Variants in SORCS2 observed in about 807,000 individuals in gnomAD.
SORCS2 encodes VPS10 domain-containing receptor SorCS2.
In SORCS2, 100 loss-of-function variants were observed where a neutral mutation model predicts 141.6. That is an observed-to-expected ratio of 0.71 (90% confidence interval 0.60 to 0.83). The LOEUF (loss-of-function observed/expected upper bound fraction) is 0.83, where lower values mean the gene tolerates loss of function less well. Among genes scored for constraint, SORCS2 ranks in the 40% least tolerant of loss-of-function variants. The pLI is 0.00. For missense variants in SORCS2, 1,646 were observed against 1,560.2 expected (o/e 1.05, Z -0.93); for synonymous variants, 789 against 676.9 (o/e 1.17, Z -2.57).
rs764578579 is a variant in SORCS2 at position 7,664,335 on chromosome 4, G to A, written c.953-18G>A. ...CGGCTGGAGTCTGACCGCCTGGGTC[G>A]GCGCCTCTCTCCTGTAGATTTTCGG... is the stretch of plus-strand genomic sequence containing the variant. On this transcript the variant is annotated intron_variant, in intron 6 of 26. Transcript: ENST00000507866. This position sits in a 1 kb window ranked among gnomAD's most constrained non-coding sequence, Gnocchi z 4.7. The A allele has an allele frequency of 1.0e-5, 16 of 1,605,030 alleles. No individual in the cohort carries two copies. The highest frequency in any genetic ancestry group is 1.7e-5 in the Admixed American group (1 of 59,488).
At chr4:7,454,917 G>T in intron 2 of SORCS2, among the ~76,000 whole-genome samples, 1 of 133,672 alleles carries the variant, frequency 7.5e-6, no homozygotes, top group Admixed American at 7.5e-5. Flanking sequence ...CACTGTGTTG[G>T]GGTCAGGTGC....
intron 3 of SORCS2, among the ~76,000 whole-genome samples, chr4:7,624,860 G>A (rs1039049446): frequency 1.3e-5 from 2 of 152,230 alleles, no homozygotes; most frequent in South Asian, 4.1e-4. Context: ...TCACTCTAGA[G>A]CCTCAGCGCA....
intron 1 of SORCS2, among the ~76,000 whole-genome samples, chr4:7,294,759 G>C (rs1189058710): frequency 5.5e-5 from 1 of 18,242 alleles, no homozygotes; most frequent in Non-Finnish European, 9.8e-5. Context: ...CTTCTCCCCA[G>C]CTCCCTCCTC....
intron 3 of SORCS2, among the ~76,000 whole-genome samples, chr4:7,628,480 C>G (rs935307605): frequency 6.0e-5 from 9 of 149,930 alleles, no homozygotes; most frequent in African/African-American, 2.2e-4. Context: ...GATTGTGCCA[C>G]TGCACTCCAG....
chr4:7,630,373 A>G (rs1368940714), intron 3 of SORCS2, among the ~76,000 whole-genome samples: 1 of 152,234 alleles, frequency 6.6e-6, no homozygotes. Context: ...GAAGAAAGCA[A>G]CAAAAAGAAT....
At chr4:7,621,555 T>G (rs1261471853) in intron 3 of SORCS2, among the ~76,000 whole-genome samples, 7 of 150,166 alleles carry the variant, frequency 4.7e-5, no homozygotes, top group Admixed American at 1.3e-4. Flanking sequence ...GTGTGTGTGT[T>G]TGTGTGTCTG....
At position 7,241,037 on chromosome 4, in the gene SORCS2, A is replaced by C. The variant is rs578177279; in HGVS notation, c.480+47911A>C. Among the ~76,000 whole-genome samples the C allele has an allele frequency of 1.2e-4, 19 of 152,190 alleles. No homozygotes were observed. In the South Asian group the frequency reaches 1.9e-3, roughly 15 times the overall value. ...GCAACCTCTGCCTCCCGGGATCAAG[A>C]GATTCTCCTGCCTCAGCCTCCCGAG... On this transcript the variant is annotated intron_variant, in intron 1 of 26. Transcript: ENST00000507866.
intron 3 of SORCS2, among the ~76,000 whole-genome samples, chr4:7,562,906 G>T (rs1225620468): frequency 2.0e-5 from 3 of 152,180 alleles, no homozygotes; most frequent in African/African-American, 7.2e-5. Context: ...TTAGGGTCTA[G>T]CCTATTCCAG....
At chr4:7,504,962 G>A (rs886139242) in intron 2 of SORCS2, among the ~76,000 whole-genome samples, 1 of 152,196 alleles carries the variant, frequency 6.6e-6, no homozygotes, top group Non-Finnish European at 1.5e-5. Context: ...TTCTTGAACT[G>A]GAAAAAGTCC....
chr4:7,429,122 G>A (rs1726651622), intron 2 of SORCS2, among the ~76,000 whole-genome samples: 1 of 152,202 alleles, frequency 6.6e-6, no homozygotes, highest in South Asian at 2.1e-4. Flanking sequence ...TTGGTGCACT[G>A]CATTGAGGCA....
intron 2 of SORCS2, among the ~76,000 whole-genome samples, chr4:7,511,435 G>C (rs1200782613): frequency 1.7e-5 from 1 of 59,504 alleles, no homozygotes. Flanking sequence ...GGCGGGGTTG[G>C]GGAGACACAC....
rs542091322 is a variant in SORCS2, at chr4:7,231,693, G to T, written c.480+38567G>T. Among the ~76,000 whole-genome samples, 7 of 152,354 alleles carry T rather than the reference G, an allele frequency of 4.6e-5. No homozygotes were observed. In the South Asian group the frequency reaches 1.5e-3, roughly 32 times the overall value. The stretch of plus-strand genomic sequence containing the variant: ...CTGCACCAGGGGCCAGGCAGCATCC[G>T]GTGGGGACACAGAGGAGAGGGTCGT... On this transcript the variant is annotated intron_variant, in intron 1 of 26. Transcript: ENST00000507866.
At chr4:7,332,221 C>T (rs372673319) in intron 1 of SORCS2, among the ~76,000 whole-genome samples, 1 of 152,224 alleles carries the variant, frequency 6.6e-6, no homozygotes, top group East Asian at 1.9e-4. Context: ...GGCTCTCAGC[C>T]AGGCCAAGGT....
At chr4:7,522,969 T>C (rs1322985973) in intron 2 of SORCS2, among the ~76,000 whole-genome samples, 1 of 118,690 alleles carries the variant, frequency 8.4e-6, no homozygotes, top group African/African-American at 3.3e-5. Flanking sequence ...TCTCCCTTTT[T>C]CCCTCCTTCC....
chr4:7,631,212 G>A (rs4689146), intron 3 of SORCS2, among the ~76,000 whole-genome samples: 39,172 of 151,232 alleles, frequency 0.26, 6,365 homozygotes, highest in East Asian at 0.74. Flanking sequence ...AGCGTCCCGC[G>A]GGCCGGGGAA....
At chr4:7,481,267 C>T (rs1730617161) in intron 2 of SORCS2, among the ~76,000 whole-genome samples, 1 of 152,252 alleles carries the variant, frequency 6.6e-6, no homozygotes, top group African/African-American at 2.4e-5. Context: ...ATGAATAGTC[C>T]ACTCATTGTG....
chr4:7,686,259 T>C (rs957058776), intron 10 of SORCS2, among the ~76,000 whole-genome samples: 1 of 152,222 alleles, frequency 6.6e-6, no homozygotes, highest in African/African-American at 2.4e-5. Context: ...GTTTGCATCT[T>C]GAATTCAGCA....
intron 2 of SORCS2, among the ~76,000 whole-genome samples, chr4:7,408,499 G>A (rs6828817): frequency 6.6e-6 from 1 of 151,762 alleles, no homozygotes; most frequent in Admixed American, 6.6e-5. Context: ...TGGGTTATTT[G>A]CTTCTTTTCT....
chr4:7,481,852 C>A (rs1459046965), intron 2 of SORCS2, among the ~76,000 whole-genome samples: 1 of 152,118 alleles, frequency 6.6e-6, no homozygotes, highest in Non-Finnish European at 1.5e-5. Context: ...CTTTGTCACG[C>A]TGGATGGTTC....
Sources: allele counts gnomAD v4.1 joint callset (sites outside exome capture counted in the v4.1 genomes callset), GRCh38; gene constraint gnomAD v4.1.1; non-coding constraint Gnocchi (gnomAD v3.1); transcripts MANE v1.5; gene names NCBI Gene and HGNC (gene_info 2026-07-23, HGNC 2026-07-21).